Variants in GRIN2B observed in about 807,000 individuals in gnomAD.
GRIN2B encodes glutamate ionotropic receptor NMDA type subunit 2B, also known as glutamate receptor ionotropic, NMDA 2B.
GRIN2B carries 5 observed loss-of-function variants against 114.5 expected under a neutral mutation model. The observed-to-expected ratio is 0.04, with a 90% CI of 0.02 to 0.09. The LOEUF is 0.09. GRIN2B is among the 10% of genes least tolerant of loss of function. The pLI is 1.00. For missense variants in GRIN2B, 1,108 were observed against 1,943.5 expected (o/e 0.57, Z 8.08); for synonymous variants, 787 against 745.1 (o/e 1.06, Z -0.92).
At chr12:13,698,705 C>CA (rs1468691617) in intron 4 of GRIN2B, among the ~76,000 whole-genome samples, 3 of 152,114 alleles carry the variant, frequency 2.0e-5, no homozygotes, top group African/African-American at 7.2e-5. Context: ...TTTTTTGAGA[C>CA]AGAGTTTCTC....
chr12:13,926,728 C>T (rs998952888), intron 2 of GRIN2B, among the ~76,000 whole-genome samples: 3 of 152,116 alleles, frequency 2.0e-5, no homozygotes, highest in African/African-American at 4.8e-5. Context: ...CCGAGACGGG[C>T]GGATCACGAG....
intron 3 of GRIN2B, among the ~76,000 whole-genome samples, chr12:13,811,500 G>A (rs1864729242): frequency 6.6e-6 from 1 of 152,194 alleles, no homozygotes; most frequent in African/African-American, 2.4e-5. Flanking sequence ...AGGATCACTT[G>A]AGCCTAGAAG....
At chr12:13,798,543 A>T (rs902198620) in intron 3 of GRIN2B, among the ~76,000 whole-genome samples, 3 of 152,228 alleles carry the variant, frequency 2.0e-5, no homozygotes, top group African/African-American at 7.2e-5. Context: ...AACATACCCC[A>T]AAATATACTA....
At chr12:13,627,910 C>A (rs566195962) in intron 5 of GRIN2B, among the ~76,000 whole-genome samples, 5 of 152,322 alleles carry the variant, frequency 3.3e-5, no homozygotes, top group African/African-American at 1.2e-4. Context: ...ACTCCTTCTA[C>A]AAGACCCTTC....
At chr12:13,836,337 G>C (rs866091043) in intron 3 of GRIN2B, among the ~76,000 whole-genome samples, 2 of 152,174 alleles carry the variant, frequency 1.3e-5, no homozygotes, top group African/African-American at 2.4e-5. Flanking sequence ...ACCATGCATG[G>C]AACACTGGTT....
At chr12:13,963,455 G>A (rs1216544108) in intron 2 of GRIN2B, among the ~76,000 whole-genome samples, 1 of 152,176 alleles carries the variant, frequency 6.6e-6, no homozygotes, top group Admixed American at 6.5e-5. Flanking sequence ...GATGGAGAAG[G>A]CCAGCAAGGA....
chr12:13,803,532 T>G (rs1864551770), intron 3 of GRIN2B, among the ~76,000 whole-genome samples: 1 of 152,194 alleles, frequency 6.6e-6, no homozygotes, highest in South Asian at 2.1e-4. Flanking sequence ...AACTAGTCTA[T>G]AATATTTGTT....
At chr12:13,939,615 T>C (rs1867200925) in intron 2 of GRIN2B, among the ~76,000 whole-genome samples, 1 of 145,056 alleles carries the variant, frequency 6.9e-6, no homozygotes, top group Non-Finnish European at 1.5e-5. Flanking sequence ...AGTGCAGTAG[T>C]GCAATTTTGG....
chr12:13,738,768 T>C (rs1863227198), intron 4 of GRIN2B, among the ~76,000 whole-genome samples: 1 of 152,188 alleles, frequency 6.6e-6, no homozygotes, highest in Non-Finnish European at 1.5e-5. Context: ...GAACAGTGAT[T>C]TACAACTCCT....
intron 3 of GRIN2B, among the ~76,000 whole-genome samples, chr12:13,837,601 G>C (rs1453732801): frequency 1.3e-5 from 2 of 152,172 alleles, no homozygotes; most frequent in African/African-American, 2.4e-5. Context: ...AGTTCCAAAA[G>C]GTTAAGTCAT....
intron 4 of GRIN2B, among the ~76,000 whole-genome samples, chr12:13,695,997 T>C (rs145830440): frequency 8.0e-4 from 122 of 152,304 alleles, no homozygotes; most frequent in Middle Eastern, 6.8e-3. Flanking sequence ...AGCTCTGACC[T>C]CTGCAGGACA....
intron 5 of GRIN2B, among the ~76,000 whole-genome samples, chr12:13,636,811 C>G (rs751686192): frequency 6.6e-6 from 1 of 152,152 alleles, no homozygotes; most frequent in Non-Finnish European, 1.5e-5. Context: ...GTATCTCTGT[C>G]TCTGAATCTC....
At chr12:13,960,093 T>C (rs1867664052) in intron 2 of GRIN2B, among the ~76,000 whole-genome samples, 1 of 152,082 alleles carries the variant, frequency 6.6e-6, no homozygotes, top group Non-Finnish European at 1.5e-5. Flanking sequence ...CATCCTAGGA[T>C]GCTGAGCAGC....
chr12:13,685,653 GT>G (rs1403957966), intron 4 of GRIN2B, among the ~76,000 whole-genome samples: 4 of 152,112 alleles, frequency 2.6e-5, no homozygotes, highest in Non-Finnish European at 5.9e-5. Flanking sequence ...GGTGGAAGCT[GT>G]TGACTCATTC....
At chr12:13,979,220 G>C (rs1463022438) in intron 2 of GRIN2B, among the ~76,000 whole-genome samples, 1 of 152,156 alleles carries the variant, frequency 6.6e-6, no homozygotes, top group Non-Finnish European at 1.5e-5. Context: ...ATTAAAAGCA[G>C]AATATTGACA....
intron 10 of GRIN2B, among the ~76,000 whole-genome samples, chr12:13,605,545 T>A (rs1411194799): frequency 1.9e-4 from 12 of 63,612 alleles, no homozygotes; most frequent in Non-Finnish European, 2.0e-4. Context: ...TCTCTCTCTC[T>A]CTCTCTGACA....
rs916133175 is a variant in GRIN2B, at chr12:13,547,267, C to T, written c.*15516G>A. Reference sequence around the variant, plus strand: ...TGGAAGGTTGTTCTCAACGATAAAACCCACTTTGCAGTGGCTAAAAATATA... The same window carrying T: ...TGGAAGGTTGTTCTCAACGATAAAATCCACTTTGCAGTGGCTAAAAATATA... On this transcript the variant is annotated 3_prime_UTR_variant, in exon 14 of 14. Coordinates refer to ENST00000609686, the MANE Select transcript of GRIN2B (RefSeq NM_000834.5). 10 of 152,104 alleles carry T rather than the reference C, an allele frequency of 6.6e-5. No individual in the cohort carries two copies. Among genetic ancestry groups the T allele is most frequent in the Non-Finnish European group, 1.0e-4 (7 of 68,020 alleles). The allele number at this position is 152,104 out of a possible 1,614,324, so 9.4% of individuals were successfully genotyped here.
chr12:13,968,494 G>A (rs1290189784), intron 2 of GRIN2B, among the ~76,000 whole-genome samples: 2 of 152,094 alleles, frequency 1.3e-5, no homozygotes, highest in Non-Finnish European at 2.9e-5. Flanking sequence ...GCCAGGGTGG[G>A]GCCAAGATGG....
chr12:13,849,728 T>C (rs985339159), intron 3 of GRIN2B, among the ~76,000 whole-genome samples: 3 of 152,166 alleles, frequency 2.0e-5, no homozygotes, highest in Admixed American at 6.5e-5. Flanking sequence ...TCCAAGAGCA[T>C]ATGGCCTGTT....
Sources: allele counts gnomAD v4.1 joint callset (sites outside exome capture counted in the v4.1 genomes callset), GRCh38; gene constraint gnomAD v4.1.1; transcripts MANE v1.5; gene names NCBI Gene and HGNC (gene_info 2026-07-23, HGNC 2026-07-21).